The following CDCA7 variants were observed in gnomAD, a reference collection of about 807,000 sequenced individuals.
CDCA7 encodes cell division cycle associated 7, also known as cell division cycle-associated protein 7.
A neutral mutation model predicts 54.0 loss-of-function variants in CDCA7; 28 were observed. That is an observed-to-expected ratio of 0.52 (90% CI 0.38 to 0.71). The LOEUF is 0.71. CDCA7 is among the 30% of genes least tolerant of loss of function. The probability of loss-of-function intolerance (pLI) is 0.00; values close to 1 mark genes in which losing one functional copy is unlikely to be tolerated. For synonymous variants in CDCA7, 180 were observed against 208.2 expected, an observed-to-expected ratio of 0.86 and a Z score of 1.16; for missense variants, 484 against 586.0, an observed-to-expected ratio of 0.83 and a Z score of 1.80.
chr2:173,366,264 C>A lies in CDCA7; in HGVS notation c.1036-19C>A. 6.9e-7 allele frequency: 1 copy of A among 1,456,504 alleles called. No individual in the cohort carries two copies. The highest frequency in any genetic ancestry group is 9.2e-7 in the Non-Finnish European group (1 of 1,089,518). 90.2% of individuals were successfully genotyped at this position (1,456,504 alleles called of 1,614,324 possible). On this transcript the variant is annotated intron_variant, in intron 7 of 9. Transcript: ENST00000306721. The surrounding 1 kb of genome is among the most constrained non-coding windows in gnomAD (Gnocchi z 4.5). ...AACAGTGGTTTTTTTTGTTTTTTTTCTTAATGGCTTATTTGTAGGGCTCTA... is the reference window on the plus strand; with the variant it reads ...AACAGTGGTTTTTTTTGTTTTTTTTATTAATGGCTTATTTGTAGGGCTCTA...
At chr2:173,355,500 G>C (rs1686481610) in intron 1 of CDCA7, among the ~76,000 whole-genome samples, 1 of 152,238 alleles carries the variant, frequency 6.6e-6, no homozygotes, top group South Asian at 2.1e-4. Flanking sequence ...GAGGGCCAGC[G>C]CGTCTGAGGT....
Position 173,365,005 on chromosome 2 carries a change from T to G in CDCA7, c.894+16T>G. The G allele has an allele frequency of 6.4e-7, 1 of 1,551,550 alleles. No homozygotes were observed. Among genetic ancestry groups the G allele is most frequent in the South Asian group, 1.2e-5 (1 of 82,224 alleles). The stretch of plus-strand genomic sequence containing the variant: ...CTACATGAATGTGAGTTCTCCGCAT[T>G]GGTACTTGCTCTTCTGATTCTCATC... On this transcript the variant is annotated intron_variant, in intron 6 of 9. Transcript: ENST00000306721.
At position 173,368,250 on chromosome 2, in the gene CDCA7, G is replaced by C. The variant is rs11553741; in HGVS notation, c.*586G>C. The C allele has an allele frequency of 0.057, 8,757 of 152,742 alleles. 310 individuals carry two copies. Among genetic ancestry groups the C allele is most frequent in the East Asian group, 0.12 (606 of 5,188 alleles). 9.5% of individuals were successfully genotyped at this position (152,742 alleles called of 1,614,324 possible). A position where few individuals can be genotyped will look rare whatever the true frequency, so the allele number is the denominator to read the frequency against. Reference sequence around the variant, plus strand: ...GCTTATGTTACAAGTTGTTGTCACAGTTGAGACTTAATTTCTCCTAATTTC... The same window carrying C: ...GCTTATGTTACAAGTTGTTGTCACACTTGAGACTTAATTTCTCCTAATTTC... On this transcript the variant is annotated 3_prime_UTR_variant, in exon 10 of 10. Transcript: ENST00000306721.
chr2:173,366,289 A>T lies in CDCA7; in HGVS notation c.1042A>T (p.Thr348Ser), dbSNP rs1444205554. 2 of 1,611,192 alleles carry T rather than the reference A, an allele frequency of 1.2e-6. No homozygotes were observed. The highest frequency in any genetic ancestry group is 2.7e-5 in the African/African-American group (2 of 74,514). Residue 348 changes from threonine (T) to serine (S), a missense_variant, in exon 8 of 10, where the codon ACT (threonine) becomes TCT (serine). By Grantham distance (58) the Thr-to-Ser change is moderately conservative. Transcript: ENST00000306721. The surrounding 1 kb of genome is among the most constrained non-coding windows in gnomAD (Gnocchi z 4.5). Reference protein sequence around the residue: ...EKIYNRSLGSTCHQCRQKTID... With the variant: ...EKIYNRSLGSSCHQCRQKTID... The stretch of plus-strand genomic sequence containing the variant: ...CTTAATGGCTTATTTGTAGGGCTCT[A>T]CTTGTCATCAATGCCGTCAGAAGAC...
chr2:173,358,859 A>G, intron 2 of CDCA7, 22 bp downstream of exon 2: 2 of 1,606,540 alleles, frequency 1.2e-6, no homozygotes, highest in Non-Finnish European at 1.7e-6. Flanking sequence ...CTGAGAATAA[A>G]CAGAATTGAG....
chr2:173,358,561 A>G (rs1686556966), intron 1 of CDCA7, 151 bp from the exon 2 acceptor site: 2 of 775,788 alleles, frequency 2.6e-6, no homozygotes, highest in Non-Finnish European at 3.8e-6. Flanking sequence ...AATTTTTTGT[A>G]GCAGTTAACA....
Position 173,363,353 on chromosome 2 carries a change from G to A in CDCA7, c.512G>A (p.Arg171His). Residue 171 changes from arginine (R) to histidine (H), a missense_variant, in exon 4 of 10, where the codon CGC (arginine) becomes CAC (histidine). This residue lies in a region of CDCA7 where 398 missense variants were observed against 447.4 expected (regional missense o/e 0.89). Transcript: ENST00000306721. ...RGATNKKAES[R>H]QPSENSVTDS... ...GCAACCAACAAAAAAGCAGAGTCCC[G>A]CCAGCCCTCAGAGAATTCTGTGACT... The A allele has an allele frequency of 1.2e-6, 2 of 1,614,100 alleles. No individual in the cohort carries two copies. Among genetic ancestry groups the A allele is most frequent in the African/African-American group, 1.3e-5 (1 of 75,012 alleles).
chr2:173,359,948 T>C (rs1361387930), intron 3 of CDCA7, among the ~76,000 whole-genome samples: 1 of 152,176 alleles, frequency 6.6e-6, no homozygotes, highest in African/African-American at 2.4e-5. Flanking sequence ...ATAATGACAT[T>C]GAGGGCCCTT....
chr2:173,359,112 C>T (rs1204140615), intron 2 of CDCA7, 143 bp from the exon 3 acceptor site: 2 of 776,766 alleles, frequency 2.6e-6, no homozygotes, highest in Non-Finnish European at 4.1e-6. Context: ...ATTTGTAAAC[C>T]TCTGAACCAT....
Position 173,366,816 on chromosome 2 carries a change from G to C in CDCA7, c.1186-334G>C, listed in dbSNP as rs750660487. On this transcript the variant is annotated intron_variant, in intron 8 of 9. Coordinates refer to ENST00000306721, the MANE Select transcript of CDCA7 (RefSeq NM_031942.5). The surrounding 1 kb of genome is among the most constrained non-coding windows in gnomAD (Gnocchi z 4.5). The stretch of plus-strand genomic sequence containing the variant: ...CCGCCTCGGCCTCCTGAAGTGCTGG[G>C]ATTACAGGTGTGAGCCACCACGCCC... Among the ~76,000 whole-genome samples, 10 of 152,158 alleles carry C rather than the reference G, an allele frequency of 6.6e-5. No individual in the cohort carries two copies. The highest frequency in any genetic ancestry group is 1.2e-4 in the Non-Finnish European group (8 of 68,020).
chr2:173,356,135 G>C (rs897789710), intron 1 of CDCA7: 1 of 152,168 alleles, frequency 6.6e-6, no homozygotes, highest in Non-Finnish European at 1.5e-5. Flanking sequence ...CACGAAAAAC[G>C]CCTACTATAA....
At position 173,366,255 on chromosome 2, in the gene CDCA7, G is replaced by GAT. The variant is rs1553477186; in HGVS notation, c.1036-28_1036-27insAT. 5 of 1,521,684 alleles carry GAT rather than the reference G, an allele frequency of 3.3e-6. No individual in the cohort carries two copies. In the African/African-American group the frequency reaches 7.0e-5, roughly 21 times the overall value. The allele number at this position is 1,521,684 out of a possible 1,614,324, so 94.3% of individuals were successfully genotyped here. Reference sequence around the variant, plus strand: ...CTGTTGAAAAACAGTGGTTTTTTTTGTTTTTTTTCTTAATGGCTTATTTGT... The same window carrying GAT: ...CTGTTGAAAAACAGTGGTTTTTTTTGATTTTTTTTTCTTAATGGCTTATTTGT... On this transcript the variant is annotated intron_variant, in intron 7 of 9. Coordinates refer to ENST00000306721, the MANE Select transcript of CDCA7 (RefSeq NM_031942.5). This position sits in a 1 kb window ranked among gnomAD's most constrained non-coding sequence, Gnocchi z 4.5.
chr2:173,364,848 C>T lies in CDCA7; in HGVS notation c.753C>T (p.Asn251=). Reference sequence around the variant, plus strand: ...TCCCGGGTGTTGCTTCCAGGAGAAACCCTGAACGGAGAGCTCGTCCTCTTA... The same window carrying T: ...TCCCGGGTGTTGCTTCCAGGAGAAATCCTGAACGGAGAGCTCGTCCTCTTA... ...RTFPGVASRR[N]PERRARPLTR... is the part of the protein sequence containing the mutation. Residue 251 remains asparagine (N), a synonymous_variant, in exon 6 of 10, where the codon AAC becomes AAT. Transcript: ENST00000306721. 2 of 1,611,508 alleles carry T rather than the reference C, an allele frequency of 1.2e-6. No individual in the cohort carries two copies. Among genetic ancestry groups the T allele is most frequent in the Non-Finnish European group, 8.5e-7 (1 of 1,179,184 alleles).
rs1172373433 is a variant in CDCA7, at chr2:173,357,555, C to T, written c.22-1157C>T. On this transcript the variant is annotated intron_variant, in intron 1 of 9. Coordinates refer to ENST00000306721, the MANE Select transcript of CDCA7 (RefSeq NM_031942.5). ...AGGGGCCTGCTTGGAAGCCTGCCAT[C>T]TTGAAGTAGAGGTCCTGCCCAGTTT... Among the ~76,000 whole-genome samples, 3 of 152,192 alleles carry T rather than the reference C, an allele frequency of 2.0e-5. No homozygotes were observed. In the East Asian group the frequency reaches 5.8e-4, roughly 29 times the overall value.
At position 173,359,301 on chromosome 2, in the gene CDCA7, T is replaced by G. The variant is rs1686575464; in HGVS notation, c.194T>G (p.Phe65Cys). ...SDISEELANV[F>C]YEDSDNESFC... is the part of the protein sequence containing the mutation. ...ATCAGTGAAGAACTGGCAAATGTTT[T>G]TTATGAGGACTCTGATAATGAATCT... is the stretch of plus-strand genomic sequence containing the variant. Residue 65 changes from phenylalanine (F) to cysteine (C), a missense_variant, in exon 3 of 10, where the codon TTT becomes TGT. This residue lies in a region of CDCA7 where 398 missense variants were observed against 447.4 expected (regional missense o/e 0.89). Transcript: ENST00000306721. 3 of 1,614,230 alleles carry G rather than the reference T, an allele frequency of 1.9e-6. No homozygotes were observed. Among genetic ancestry groups the G allele is most frequent in the Non-Finnish European group, 2.5e-6 (3 of 1,180,032 alleles).
rs948985039 is a variant in CDCA7, at chr2:173,366,017, G to T, written c.1036-266G>T. ...TTTTTATATTTTTAGTGGAGATGGG[G>T]TTTTGCCATATTGCCCAGGCTGGTC... On this transcript the variant is annotated intron_variant, in intron 7 of 9. Transcript: ENST00000306721. The surrounding 1 kb of genome is among the most constrained non-coding windows in gnomAD (Gnocchi z 4.5). 2.0e-5 allele frequency among the ~76,000 whole-genome samples: 3 copies of T among 152,112 alleles called. No individual in the cohort carries two copies. The highest frequency in any genetic ancestry group is 4.4e-5 in the Non-Finnish European group (3 of 68,018).
rs765045353 is a variant in CDCA7 at position 173,368,922 on chromosome 2, AAAT to A, written c.*1262_*1264del. The A allele has an allele frequency of 1.9e-4, 29 of 152,332 alleles. No individual in the cohort carries two copies. Among genetic ancestry groups the A allele is most frequent in the Non-Finnish European group, 3.7e-4 (25 of 68,036 alleles). The allele number at this position is 152,332 out of a possible 1,614,324, so 9.4% of individuals were successfully genotyped here. On this transcript the variant is annotated 3_prime_UTR_variant, in exon 10 of 10. Coordinates refer to ENST00000306721, the MANE Select transcript of CDCA7 (RefSeq NM_031942.5). ...TGTTCTAACTTGTCTGCTTTTTTAA[AAAT>A]AATCTTACTGTACTTAATTCTAATT...
intron 6 of CDCA7, 35 bp from the exon 7 acceptor site, chr2:173,365,417 T>G: frequency 6.4e-7 from 1 of 1,564,392 alleles, no homozygotes; most frequent in Non-Finnish European, 8.7e-7. Flanking sequence ...TTTTTCAGTT[T>G]TGAAGTTCTG....
chr2:173,357,140 G>A (rs1234977959), intron 1 of CDCA7, among the ~76,000 whole-genome samples: 2 of 152,126 alleles, frequency 1.3e-5, no homozygotes, highest in Admixed American at 1.3e-4. Flanking sequence ...TAAAAACACA[G>A]GACCTAATGC....
Sources: gnomAD v4.1 joint callset for allele counts (sites outside exome capture counted in the v4.1 genomes callset) on GRCh38, gnomAD v4.1.1 for gene constraint, gnomAD v4.1.1 regional missense constraint, Gnocchi (gnomAD v3.1) non-coding constraint, MANE v1.5 for transcripts, NCBI Gene and HGNC (gene_info 2026-07-23, HGNC 2026-07-21) for gene names.